C2: variants seen among roughly 807,000 people sequenced by gnomAD.
C2 encodes complement C2, also known as C3/C5 convertase.
C2 carries 64 observed loss-of-function variants against 85.2 expected under a neutral mutation model. The ratio of observed to expected loss-of-function variants is 0.75; its 90% CI spans 0.61 to 0.92. The LOEUF is 0.92. Ranked by LOEUF, C2 falls within the 40% of genes least tolerant of loss-of-function variation. The pLI, the probability that C2 is intolerant of heterozygous loss-of-function variation, is 0.00. For synonymous variants in C2, 311 were observed against 370.8 expected (o/e 0.84, Z 1.85); for missense variants, 820 against 971.6 (o/e 0.84, Z 2.07).
upstream of C2, among the ~76,000 whole-genome samples, chr6:31,925,110 C>A (rs1187748486): frequency 1.3e-5 from 2 of 152,130 alleles, no homozygotes; most frequent in African/African-American, 4.8e-5. Flanking sequence ...CTGACTGCCG[C>A]TGCATGGAAG....
chr6:31,939,458 C>A, intron 9 of C2, 138 bp downstream of exon 9: 1 of 653,886 alleles, frequency 1.5e-6, no homozygotes, highest in Non-Finnish European at 2.7e-6. Flanking sequence ...AAAGGCAACT[C>A]ATGTTGAAGA....
upstream of C2, chr6:31,898,013 T>C: frequency 1.7e-6 from 1 of 605,052 alleles, no homozygotes; most frequent in East Asian, 1.2e-4. Context: ...GGTTGGGCTT[T>C]TCCCGCCTCT....
In C2 at chr6:31,944,610, A is replaced by G; in HGVS notation, c.1903-117A>G. ...TGGCCAGGATGGTCTTGAACTCCTG[A>G]CCTCAAGTGATCTGCCTGCCTCAAC... On this transcript the variant is annotated intron_variant, in intron 15 of 17. Coordinates refer to ENST00000299367, the MANE Select transcript of C2 (RefSeq NM_000063.6). The surrounding 1 kb of genome is among the most constrained non-coding windows in gnomAD (Gnocchi z 5.1). 8.9e-7 allele frequency: 1 copy of G among 1,118,260 alleles called. No individual in the cohort carries two copies. The highest frequency in any genetic ancestry group is 1.4e-6 in the Non-Finnish European group (1 of 732,604). 69.3% of individuals were successfully genotyped at this position (1,118,260 alleles called of 1,614,324 possible). A position where few individuals can be genotyped will look rare whatever the true frequency, so the allele number is the denominator to read the frequency against.
upstream of C2, among the ~76,000 whole-genome samples, chr6:31,924,684 T>C (rs1769165048): frequency 6.6e-6 from 1 of 152,200 alleles, no homozygotes; most frequent in Non-Finnish European, 1.5e-5. Flanking sequence ...ACATATTAGT[T>C]TGATGGCTTT....
chr6:31,932,704 C>T (rs1692116999), intron 3 of C2, among the ~76,000 whole-genome samples: 2 of 152,004 alleles, frequency 1.3e-5, no homozygotes, highest in East Asian at 3.9e-4. Context: ...CCTCACTTCC[C>T]AGACGGGGTG....
intron 1 of C2, among the ~76,000 whole-genome samples, chr6:31,913,766 G>C (rs1206585046): frequency 6.6e-6 from 1 of 151,582 alleles, no homozygotes. Context: ...CCCGCCTCAG[G>C]CTCCCGTGTA....
chr6:31,911,346 T>C (rs977410140), intron 1 of C2, among the ~76,000 whole-genome samples: 63 of 151,716 alleles, frequency 4.2e-4, no homozygotes, highest in African/African-American at 1.4e-3. Context: ...AAATGAATCA[T>C]GAAGGGAATG....
chr6:31,937,006 G>C (rs1353453294), intron 7 of C2: 1 of 359,922 alleles, frequency 2.8e-6, no homozygotes, highest in Admixed American at 3.9e-5. Context: ...TTGAGGTCAG[G>C]AAACCAGCTT....
upstream of C2, among the ~76,000 whole-genome samples, chr6:31,919,144 CTTT>C (rs559090030): frequency 7.5e-6 from 1 of 133,660 alleles, no homozygotes; most frequent in Admixed American, 7.4e-5. Flanking sequence ...CTTTTCTTTT[CTTT>C]TTTTTTTTTT....
chr6:31,943,174 AC>A lies in C2; in HGVS notation c.1361-50del. ...CCAGAGGCCCGTGTTGGGAACCTGG[AC>A]ACAGTGCCCCTCACTTGCCTCCTTC... On this transcript the variant is annotated intron_variant, in intron 10 of 17. Transcript: ENST00000299367. The surrounding 1 kb of genome is among the most constrained non-coding windows in gnomAD (Gnocchi z 6.4). 1 of 1,611,600 alleles carries A rather than the reference AC, an allele frequency of 6.2e-7. No individual in the cohort carries two copies. The highest frequency in any genetic ancestry group is 8.5e-7 in the Non-Finnish European group (1 of 1,178,724).
intron 9 of C2, 135 bp from the exon 10 acceptor site, chr6:31,942,824 T>G (rs1040164092): frequency 3.1e-5 from 31 of 992,834 alleles, no homozygotes; most frequent in Admixed American, 1.4e-4. Flanking sequence ...GGCAGACAGG[T>G]AGCAGTGGGG....
chr6:31,934,633 C>T (rs1263623887), intron 6 of C2: 5 of 1,363,432 alleles, frequency 3.7e-6, no homozygotes, highest in Non-Finnish European at 4.7e-6. Context: ...ACTGGTGCCC[C>T]TGTGGAATAA....
At chr6:31,938,731 C>T (rs1770640645) in intron 8 of C2, among the ~76,000 whole-genome samples, 1 of 152,126 alleles carries the variant, frequency 6.6e-6, no homozygotes, top group Admixed American at 6.5e-5. Context: ...GCGATTTCGG[C>T]TCACCGCAAC....
At chr6:31,937,228 T>A in intron 7 of C2, 91 bp from the exon 8 acceptor site, 2 of 1,383,624 alleles carry the variant, frequency 1.4e-6, no homozygotes, top group Non-Finnish European at 2.0e-6. Flanking sequence ...AAAAATTGCA[T>A]TTCCAATAAT....
At chr6:31,911,182 C>A (rs1768071355) in intron 1 of C2, among the ~76,000 whole-genome samples, 1 of 151,458 alleles carries the variant, frequency 6.6e-6, no homozygotes, top group African/African-American at 2.4e-5. Context: ...ACCTGTAGTC[C>A]CAGCTACTCG....
At chr6:31,900,679 G>T, upstream of C2, 1 of 1,612,024 alleles carries the variant, frequency 6.2e-7, no homozygotes, top group Non-Finnish European at 8.5e-7. This position sits in a 1 kb window ranked among gnomAD's most constrained non-coding sequence, Gnocchi z 9.7. Context: ...CCTTGACGAT[G>T]CAGATGTCAG....
intron 3 of C2, among the ~76,000 whole-genome samples, chr6:31,933,286 AC>A (rs1167829051): frequency 6.6e-6 from 1 of 152,202 alleles, no homozygotes; most frequent in East Asian, 1.9e-4. Flanking sequence ...AGAAAGTTTC[AC>A]CCACGTACAT....
At chr6:31,931,395 G>T (rs62395857) in intron 3 of C2, among the ~76,000 whole-genome samples, 1,827 of 151,304 alleles carry the variant, frequency 0.012, 13 homozygotes, top group African/African-American at 0.015. Flanking sequence ...GTTTTCCTAG[G>T]CAGAGGACCC....
rs573094376 is a variant in C2, at chr6:31,944,031, C to T, written c.1810+38C>T. 16 of 1,606,986 alleles carry T rather than the reference C, an allele frequency of 1.0e-5. No homozygotes were observed. The highest frequency in any genetic ancestry group is 4.4e-5 in the South Asian group (4 of 90,942). On this transcript the variant is annotated intron_variant, in intron 14 of 17. Transcript: ENST00000299367. This position sits in a 1 kb window ranked among gnomAD's most constrained non-coding sequence, Gnocchi z 5.1. ...ACTTATGGTGCTTGAGAGCTGGGGC[C>T]GGGGTTTGGGGGTGATAACAAGGAC... is the stretch of plus-strand genomic sequence containing the variant.
Sources: allele counts gnomAD v4.1 joint callset (sites outside exome capture counted in the v4.1 genomes callset), GRCh38; gene constraint gnomAD v4.1.1; non-coding constraint Gnocchi (gnomAD v3.1); transcripts MANE v1.5; gene names NCBI Gene and HGNC (gene_info 2026-07-23, HGNC 2026-07-21).